The following CDH12 variants were observed in gnomAD, a reference collection of about 807,000 sequenced individuals.
CDH12 encodes the protein cadherin 12.
A neutral mutation model predicts 74.1 loss-of-function variants in CDH12; 41 were observed. The observed-to-expected ratio is 0.55, with a 90% CI of 0.43 to 0.72. The LOEUF (loss-of-function observed/expected upper bound fraction) is 0.72. Among genes scored for constraint, CDH12 ranks in the 30% least tolerant of loss-of-function variants. The probability of loss-of-function intolerance (pLI) is 0.00; values close to 1 mark genes in which losing one functional copy is unlikely to be tolerated. For missense variants in CDH12, 945 were observed against 977.2 expected, an observed-to-expected ratio of 0.97 and a Z score of 0.44; for synonymous variants, 399 against 355.0, an observed-to-expected ratio of 1.12 and a Z score of -1.39.
intron 3 of CDH12, among the ~76,000 whole-genome samples, chr5:22,317,298 A>C (rs1336762696): frequency 6.6e-6 from 1 of 152,150 alleles, no homozygotes; most frequent in African/African-American, 2.4e-5. Context: ...AGCCTAGGCT[A>C]CAGAGTGAGT....
chr5:22,608,972 G>C (rs73062241), intron 1 of CDH12, among the ~76,000 whole-genome samples: 6,597 of 152,140 alleles, frequency 0.043, 457 homozygotes, highest in African/African-American at 0.14. Flanking sequence ...ACCAAAGCAG[G>C]GAACAAGGGA....
At chr5:22,788,060 G>A (rs1305584141) in intron 1 of CDH12, among the ~76,000 whole-genome samples, 1 of 152,134 alleles carries the variant, frequency 6.6e-6, no homozygotes, top group African/African-American at 2.4e-5. Flanking sequence ...CTCAGTGTGT[G>A]CCTCTCATAA....
At chr5:22,220,059 C>T (rs768668436) in intron 3 of CDH12, among the ~76,000 whole-genome samples, 15 of 151,524 alleles carry the variant, frequency 9.9e-5, no homozygotes, top group Non-Finnish European at 1.9e-4. Context: ...ATCATGAATC[C>T]GTAAGGATGT....
chr5:22,747,564 T>C (rs1364338597), intron 1 of CDH12, among the ~76,000 whole-genome samples: 1 of 144,826 alleles, frequency 6.9e-6, no homozygotes, highest in African/African-American at 2.6e-5. Flanking sequence ...TGAGCCTAGA[T>C]TGCGCTACTA....
chr5:22,652,384 A>C (rs529333072), intron 1 of CDH12, among the ~76,000 whole-genome samples: 20 of 152,272 alleles, frequency 1.3e-4, no homozygotes, highest in African/African-American at 4.3e-4. Context: ...TCAAGGACTT[A>C]GCATGTCACC....
At chr5:22,093,968 C>T (rs1471748878) in intron 4 of CDH12, among the ~76,000 whole-genome samples, 2 of 152,104 alleles carry the variant, frequency 1.3e-5, no homozygotes, top group African/African-American at 2.4e-5. Flanking sequence ...ACTTATGGCT[C>T]ATATTTGAGA....
intron 6 of CDH12, among the ~76,000 whole-genome samples, chr5:21,929,555 T>C (rs1450694016): frequency 6.6e-6 from 1 of 152,074 alleles, no homozygotes; most frequent in East Asian, 1.9e-4. Context: ...TCTTGCTCTG[T>C]CACCCTGGTT....
intron 4 of CDH12, among the ~76,000 whole-genome samples, chr5:22,135,758 A>G (rs548727349): frequency 6.6e-6 from 1 of 152,154 alleles, no homozygotes; most frequent in East Asian, 1.9e-4. Flanking sequence ...CTGGTGACTG[A>G]TGGTGGGTAA....
intron 6 of CDH12, among the ~76,000 whole-genome samples, chr5:21,874,374 G>A (rs1320244004): frequency 6.6e-6 from 1 of 152,192 alleles, no homozygotes; most frequent in Admixed American, 6.5e-5. Context: ...AGCTGGGAAG[G>A]TGACCGCATC....
At chr5:21,781,005 G>A (rs879430150) in intron 11 of CDH12, among the ~76,000 whole-genome samples, 1 of 152,120 alleles carries the variant, frequency 6.6e-6, no homozygotes, top group African/African-American at 2.4e-5. Context: ...AGGGGAGACT[G>A]TCATTCTCTT....
intron 5 of CDH12, among the ~76,000 whole-genome samples, chr5:22,052,971 A>G (rs1332537455): frequency 6.6e-6 from 1 of 152,098 alleles, no homozygotes; most frequent in African/African-American, 2.4e-5. Context: ...CTACATTTTA[A>G]AAGAGATGCT....
intron 3 of CDH12, among the ~76,000 whole-genome samples, chr5:22,391,804 A>T (rs1742260117): frequency 6.6e-6 from 1 of 152,146 alleles, no homozygotes; most frequent in East Asian, 1.9e-4. Flanking sequence ...TAATATCAGG[A>T]AACCTAAGAA....
chr5:21,966,967 G>A (rs886440689), intron 6 of CDH12, among the ~76,000 whole-genome samples: 31 of 152,070 alleles, frequency 2.0e-4, no homozygotes, highest in Non-Finnish European at 2.9e-5. Context: ...TAACATACTA[G>A]TCCTGCCATT....
intron 6 of CDH12, among the ~76,000 whole-genome samples, chr5:21,856,767 T>G (rs1750775700): frequency 6.6e-6 from 1 of 151,806 alleles, no homozygotes; most frequent in Non-Finnish European, 1.5e-5. Context: ...GTTGCAAATA[T>G]TTTTTCATAA....
At chr5:22,134,848 A>C (rs1249690817) in intron 4 of CDH12, among the ~76,000 whole-genome samples, 1 of 150,680 alleles carries the variant, frequency 6.6e-6, no homozygotes, top group African/African-American at 2.4e-5. Flanking sequence ...TTTCATTATT[A>C]ATTACAGCAA....
intron 6 of CDH12, among the ~76,000 whole-genome samples, chr5:21,935,279 T>C (rs1336802939): frequency 1.3e-5 from 2 of 152,144 alleles, no homozygotes; most frequent in Admixed American, 1.3e-4. Flanking sequence ...TTTTCTATAT[T>C]AAAAATATAA....
At chr5:22,693,704 A>G (rs534254995) in intron 1 of CDH12, among the ~76,000 whole-genome samples, 10 of 152,210 alleles carry the variant, frequency 6.6e-5, no homozygotes, top group African/African-American at 2.4e-4. Flanking sequence ...TTTATTTAAT[A>G]GGATATCATA....
chr5:22,343,510 C>T (rs946201412), intron 3 of CDH12, among the ~76,000 whole-genome samples: 6 of 152,090 alleles, frequency 3.9e-5, no homozygotes, highest in African/African-American at 9.6e-5. Context: ...CTCTGCCTCC[C>T]GGGTTCATGC....
chr5:21,835,325 T>C (rs1334683486), intron 8 of CDH12, among the ~76,000 whole-genome samples: 1 of 151,706 alleles, frequency 6.6e-6, no homozygotes, highest in East Asian at 1.9e-4. Flanking sequence ...TTATAAAGAA[T>C]TATGAATGCT....
Sources: allele counts gnomAD v4.1 joint callset (sites outside exome capture counted in the v4.1 genomes callset), GRCh38; gene constraint gnomAD v4.1.1; transcripts MANE v1.5; gene names NCBI Gene and HGNC (gene_info 2026-07-23, HGNC 2026-07-21).